The following GLIS3 variants were observed in gnomAD, a reference collection of about 807,000 sequenced individuals.
The protein encoded by GLIS3 is zinc finger protein GLIS3.
GLIS3 carries 53 observed loss-of-function variants against 78.6 expected under a neutral mutation model. That is an observed-to-expected ratio of 0.67 (90% CI 0.54 to 0.85). GLIS3 has a LOEUF of 0.85. Among genes scored for constraint, GLIS3 ranks in the 40% least tolerant of loss-of-function variants. The pLI is 0.00. For synonymous variants in GLIS3, 684 were observed against 509.9 expected (o/e 1.34, Z -4.60); for missense variants, 1,703 against 1,231.1 (o/e 1.38, Z -5.74).
intron 2 of GLIS3, among the ~76,000 whole-genome samples, chr9:4,320,533 C>T (rs1316219043): frequency 6.6e-6 from 1 of 152,148 alleles, no homozygotes; most frequent in Admixed American, 6.5e-5. Context: ...GTAGATTTTA[C>T]TTCTTAAATA....
chr9:4,118,856 C>G lies in GLIS3; in HGVS notation c.622G>C (p.Ala208Pro). 6.2e-7 allele frequency: 1 copy of G among 1,602,576 alleles called. No homozygotes were observed. The highest frequency in any genetic ancestry group is 1.1e-5 in the South Asian group (1 of 91,068). ...TCCGTCAGACTCAAGGTCGTGGACG[C>G]CAAAGACTCACGCGAAATAAGGGAC... ...TRSLISRESL[A>P]STTLSLTESQ... Residue 208 changes from alanine to proline, a missense_variant, in exon 4 of 11, where the codon GCG becomes CCG. Transcript: ENST00000381971. The surrounding 1 kb of genome is among the most constrained non-coding windows in gnomAD (Gnocchi z 4.7).
chr9:4,177,672 A>C (rs1274647646), intron 2 of GLIS3, among the ~76,000 whole-genome samples: 1 of 152,252 alleles, frequency 6.6e-6, no homozygotes, highest in East Asian at 1.9e-4. Flanking sequence ...AAGAAACCTT[A>C]GAAACTACGC....
chr9:4,279,297 C>CAAAAAAAAAAAAAAAAAAAAAA lies in GLIS3; in HGVS notation c.388+6740_388+6741insTTTTTTTTTTTTTTTTTTTTTT, dbSNP rs56734583. 2.2e-5 allele frequency among the ~76,000 whole-genome samples: 2 copies of CAAAAAAAAAAAAAAAAAAAAAA among 92,026 alleles called. 1 individual carries two copies. The allele number at this position is 92,026 out of a possible 152,430, so 60.4% of individuals were successfully genotyped here. ...TGGGCAACAGAGCAAGACTCCATCT[C>CAAAAAAAAAAAAAAAAAAAAAA]AAAAAAAAAAAAAAAAAATATATAT... On this transcript the variant is annotated intron_variant, in intron 2 of 10. Coordinates refer to ENST00000381971, the MANE Select transcript of GLIS3 (RefSeq NM_001042413.2).
chr9:4,179,296 C>T (rs935258263), intron 2 of GLIS3, among the ~76,000 whole-genome samples: 2 of 152,142 alleles, frequency 1.3e-5, no homozygotes, highest in Non-Finnish European at 2.9e-5. Context: ...TCGAGGTTTG[C>T]CCTGGAGACA....
chr9:4,426,764 C>T, the GLIS3 span, among the ~76,000 whole-genome samples: 2 of 152,218 alleles, frequency 1.3e-5, no homozygotes, highest in Non-Finnish European at 2.9e-5. Context: ...TTTAACTTTT[C>T]TGTGCTTCAG....
At chr9:4,319,607 G>A (rs1034209843) in intron 2 of GLIS3, among the ~76,000 whole-genome samples, 7 of 151,610 alleles carry the variant, frequency 4.6e-5, no homozygotes, top group Non-Finnish European at 5.9e-5. Flanking sequence ...ATAGCTCACT[G>A]TCACCTCAAA....
At chr9:3,893,158 G>T (rs963354309) in intron 7 of GLIS3, among the ~76,000 whole-genome samples, 2 of 152,094 alleles carry the variant, frequency 1.3e-5, no homozygotes, top group African/African-American at 4.8e-5. Context: ...TCCCAATAAG[G>T]ATAAAGCCGC....
chr9:4,376,179 G>C, the GLIS3 span, among the ~76,000 whole-genome samples: 2 of 152,190 alleles, frequency 1.3e-5, no homozygotes. Flanking sequence ...CATGACTCTG[G>C]TGGAGAGATT....
chr9:4,143,232 C>T lies in GLIS3; in HGVS notation c.389-17291G>A, dbSNP rs538457686. ...ACATGGTTACCTTTGCATGTGCGCACGTGTGTATTTGTGTGTGTGTGTGTG... is the reference window on the plus strand; with the variant it reads ...ACATGGTTACCTTTGCATGTGCGCATGTGTGTATTTGTGTGTGTGTGTGTG... On this transcript the variant is annotated intron_variant, in intron 2 of 10. Coordinates refer to ENST00000381971, the MANE Select transcript of GLIS3 (RefSeq NM_001042413.2). Among the ~76,000 whole-genome samples, 82 of 151,866 alleles carry T rather than the reference C, an allele frequency of 5.4e-4. 1 individual carries two copies. The highest frequency in any genetic ancestry group is 8.2e-4 in the Non-Finnish European group (56 of 67,880).
the GLIS3 span, among the ~76,000 whole-genome samples, chr9:4,485,307 G>C: frequency 6.6e-6 from 1 of 151,982 alleles, no homozygotes; most frequent in African/African-American, 2.4e-5. Flanking sequence ...GAGCCACCGC[G>C]CTCAGCCCTA....
chr9:4,007,488 A>G (rs1432918524), intron 4 of GLIS3, among the ~76,000 whole-genome samples: 1 of 152,174 alleles, frequency 6.6e-6, no homozygotes, highest in East Asian at 1.9e-4. Context: ...AGATGTATCA[A>G]TCTTTGCTAA....
intron 4 of GLIS3, among the ~76,000 whole-genome samples, chr9:3,939,038 T>C (rs917248970): frequency 2.0e-5 from 3 of 152,178 alleles, no homozygotes; most frequent in African/African-American, 7.2e-5. Context: ...AGGTCTGAAG[T>C]GAGCTTGTGG....
the GLIS3 span, among the ~76,000 whole-genome samples, chr9:4,435,067 T>C: frequency 6.6e-6 from 1 of 152,226 alleles, no homozygotes; most frequent in African/African-American, 2.4e-5. Context: ...GCTTCAACGT[T>C]TGTCTCTCAC....
At chr9:4,369,492 C>T in the GLIS3 span, among the ~76,000 whole-genome samples, 1 of 152,142 alleles carries the variant, frequency 6.6e-6, no homozygotes, top group East Asian at 1.9e-4. Context: ...CTGTAAGTTC[C>T]ACCATATGAT....
chr9:3,917,136 T>G (rs1824564921), intron 6 of GLIS3, among the ~76,000 whole-genome samples: 1 of 152,192 alleles, frequency 6.6e-6, no homozygotes, highest in Non-Finnish European at 1.5e-5. Context: ...CAATTCCAAA[T>G]TGGAAATACT....
chr9:4,199,213 G>C (rs974965765), intron 2 of GLIS3, among the ~76,000 whole-genome samples: 1 of 152,100 alleles, frequency 6.6e-6, no homozygotes, highest in Non-Finnish European at 1.5e-5. Context: ...TCACATCTCA[G>C]TATTAACCCT....
chr9:3,987,015 A>C lies in GLIS3; in HGVS notation c.1711-49826T>G, dbSNP rs973385037. On this transcript the variant is annotated intron_variant, in intron 4 of 10. Coordinates refer to ENST00000381971, the MANE Select transcript of GLIS3 (RefSeq NM_001042413.2). Reference sequence around the variant, plus strand: ...AATGGATCAGATGAATTAGATCTTGAAATGATCTGAAAAGGATTTTAAAGC... The same window carrying C: ...AATGGATCAGATGAATTAGATCTTGCAATGATCTGAAAAGGATTTTAAAGC... Among the ~76,000 whole-genome samples, 8 of 152,252 alleles carry C rather than the reference A, an allele frequency of 5.3e-5. 1 individual carries two copies. Among genetic ancestry groups the C allele is most frequent in the Admixed American group, 3.3e-4 (5 of 15,290 alleles).
chr9:4,320,906 TG>T (rs1817514019), intron 2 of GLIS3, among the ~76,000 whole-genome samples: 1 of 151,658 alleles, frequency 6.6e-6, no homozygotes, highest in African/African-American at 2.4e-5. Flanking sequence ...TTTTTCAAAA[TG>T]CAAGTTTTGA....
chr9:4,181,366 G>C (rs375971840), intron 2 of GLIS3, among the ~76,000 whole-genome samples: 1 of 152,100 alleles, frequency 6.6e-6, no homozygotes, highest in South Asian at 2.1e-4. Context: ...TACTCCTCCT[G>C]ATCTCTCTGA....
Sources: gnomAD v4.1 joint callset for allele counts (sites outside exome capture counted in the v4.1 genomes callset) on GRCh38, gnomAD v4.1.1 for gene constraint, Gnocchi (gnomAD v3.1) non-coding constraint, MANE v1.5 for transcripts, NCBI Gene and HGNC (gene_info 2026-07-23, HGNC 2026-07-21) for gene names.